Variants in CLASP1 observed in about 807,000 individuals in gnomAD.
CLASP1 encodes cytoplasmic linker associated protein 1, also known as CLIP-associating protein 1.
In CLASP1, 38 loss-of-function variants were observed where a neutral mutation model predicts 192.3. The ratio of observed to expected loss-of-function variants is 0.20; its 90% confidence interval spans 0.15 to 0.26. The LOEUF (loss-of-function observed/expected upper bound fraction) is 0.26. CLASP1 is among the 10% of genes least tolerant of loss of function. CLASP1 has a pLI of 1.00. For missense variants in CLASP1, 1,433 were observed against 1,932.5 expected, an observed-to-expected ratio of 0.74 and a Z score of 4.85; for synonymous variants, 691 against 712.8, an observed-to-expected ratio of 0.97 and a Z score of 0.49.
intron 37 of CLASP1, among the ~76,000 whole-genome samples, chr2:121,352,674 A>G (rs2064707914): frequency 6.6e-6 from 1 of 152,134 alleles, no homozygotes; most frequent in Non-Finnish European, 1.5e-5. Context: ...TAATTTTTTG[A>G]GACAGAGTCT....
At chr2:121,437,238 C>T (rs943945144) in intron 19 of CLASP1, among the ~76,000 whole-genome samples, 6 of 152,002 alleles carry the variant, frequency 3.9e-5, no homozygotes, top group Non-Finnish European at 8.8e-5. Context: ...CCTAAGATTA[C>T]AGGTGTGAGC....
At chr2:121,478,903 CA>C (rs2092239480) in intron 8 of CLASP1, among the ~76,000 whole-genome samples, 5 of 82,562 alleles carry the variant, frequency 6.1e-5, no homozygotes, top group African/African-American at 4.6e-4. Flanking sequence ...ACACACACCA[CA>C]CCACACACAC....
chr2:121,649,088 A>G (rs2073735180), intron 1 of CLASP1, among the ~76,000 whole-genome samples: 1 of 152,134 alleles, frequency 6.6e-6, no homozygotes. Context: ...GGAAAAGGGA[A>G]ACAGAGAGGG....
chr2:121,462,472 A>C (rs1269158540), intron 10 of CLASP1, 60 bp downstream of exon 10: 1 of 960,824 alleles, frequency 1.0e-6, no homozygotes, highest in African/African-American at 1.6e-5. Context: ...GAATTGAAAA[A>C]TAAAACTTGA....
rs1386657957 is a variant in CLASP1, at chr2:121,363,307, T to C, written c.4078-7A>G. 6.2e-7 allele frequency: 1 copy of C among 1,613,482 alleles called. No homozygotes were observed. Among genetic ancestry groups the C allele is most frequent in the Non-Finnish European group, 8.5e-7 (1 of 1,179,754 alleles). On this transcript the variant is annotated splice_region_variant and splice_polypyrimidine_tract_variant and intron_variant, in intron 36 of 39. Transcript: ENST00000263710. ...CCAGTGCTCGAATTGAATGCTAGAA[T>C]ACAAAGGGAAAGGAAGACATCACCA...
At chr2:121,376,526 T>TGGGGGGGGGAAGGGG (rs2070201822) in intron 34 of CLASP1, among the ~76,000 whole-genome samples, 3 of 105,132 alleles carry the variant, frequency 2.9e-5, no homozygotes, top group African/African-American at 7.5e-5. Flanking sequence ...TGGGAAGGGG[T>TGGGGGGGGGAAGGGG]GGGGGGGGGG....
At chr2:121,387,438 T>C (rs556384061) in intron 31 of CLASP1, among the ~76,000 whole-genome samples, 2 of 152,172 alleles carry the variant, frequency 1.3e-5, no homozygotes, top group African/African-American at 4.8e-5. Context: ...AGTCAAATGA[T>C]TGATGTTGGG....
intron 1 of CLASP1, among the ~76,000 whole-genome samples, chr2:121,614,432 T>G (rs11122862): frequency 0.24 from 36,292 of 151,714 alleles, 6,631 homozygotes; most frequent in African/African-American, 0.51. Flanking sequence ...GGAGGCAGAG[T>G]TTGTGGTGAG....
At chr2:121,409,808 AC>A (rs2077438780) in intron 24 of CLASP1, among the ~76,000 whole-genome samples, 1 of 152,204 alleles carries the variant, frequency 6.6e-6, no homozygotes, top group African/African-American at 2.4e-5. Flanking sequence ...TAGAGCAGTT[AC>A]CCTGAACTCT....
intron 37 of CLASP1, among the ~76,000 whole-genome samples, chr2:121,355,067 C>T (rs1166524550): frequency 1.3e-5 from 2 of 152,132 alleles, no homozygotes; most frequent in Non-Finnish European, 2.9e-5. Context: ...GAGCTGAAAC[C>T]CAAACCCAAG....
intron 8 of CLASP1, 38 bp downstream of exon 8, chr2:121,503,129 C>G: frequency 1.5e-6 from 2 of 1,349,260 alleles, no homozygotes; most frequent in Non-Finnish European, 2.1e-6. Context: ...GAATGTAAAA[C>G]TGAAAAAGCA....
chr2:121,463,847 A>G (rs1187920293), intron 9 of CLASP1, among the ~76,000 whole-genome samples: 1 of 151,744 alleles, frequency 6.6e-6, no homozygotes, highest in East Asian at 2.0e-4. Context: ...ATTTTATTTT[A>G]TTTTATTATT....
intron 2 of CLASP1, among the ~76,000 whole-genome samples, chr2:121,535,291 A>T (rs1464444368): frequency 6.6e-6 from 1 of 152,198 alleles, no homozygotes; most frequent in Non-Finnish European, 1.5e-5. Context: ...CTCAATAAAT[A>T]AATTAATTAA....
At chr2:121,571,479 A>G (rs1246364356) in intron 2 of CLASP1, among the ~76,000 whole-genome samples, 1 of 152,200 alleles carries the variant, frequency 6.6e-6, no homozygotes, top group East Asian at 1.9e-4. Flanking sequence ...TCAGACACAC[A>G]AAGAAAAATC....
At chr2:121,613,592 T>A (rs2065963997) in intron 1 of CLASP1, among the ~76,000 whole-genome samples, 1 of 150,920 alleles carries the variant, frequency 6.6e-6, no homozygotes, top group Non-Finnish European at 1.5e-5. Flanking sequence ...CAAATAAGAT[T>A]AAGAATGAAA....
At chr2:121,412,529 A>G (rs1432979497) in intron 23 of CLASP1, among the ~76,000 whole-genome samples, 3 of 152,134 alleles carry the variant, frequency 2.0e-5, no homozygotes, top group African/African-American at 7.2e-5. Context: ...AACAGAATGA[A>G]AGTAATTCAA....
At chr2:121,637,887 A>G (rs111494971) in intron 1 of CLASP1, among the ~76,000 whole-genome samples, 208 of 150,744 alleles carry the variant, frequency 1.4e-3, no homozygotes, top group African/African-American at 4.7e-3. Flanking sequence ...CTCCATCTCA[A>G]AAAAAAAAAG....
At chr2:121,360,689 A>ACTAT (rs2066223382) in intron 37 of CLASP1, among the ~76,000 whole-genome samples, 1 of 152,168 alleles carries the variant, frequency 6.6e-6, no homozygotes, top group Admixed American at 6.5e-5. Flanking sequence ...GGCTCCTGGC[A>ACTAT]AAGTGACAGA....
chr2:121,481,323 CA>C (rs796746521), intron 8 of CLASP1, among the ~76,000 whole-genome samples: 33 of 146,104 alleles, frequency 2.3e-4, no homozygotes, highest in Admixed American at 7.5e-4. Flanking sequence ...ATTAGGCAGC[CA>C]AAAAAAAAAT....
Sources: gnomAD v4.1 joint callset for allele counts (sites outside exome capture counted in the v4.1 genomes callset) on GRCh38, gnomAD v4.1.1 for gene constraint, MANE v1.5 for transcripts, NCBI Gene and HGNC (gene_info 2026-07-23, HGNC 2026-07-21) for gene names.